RAP1GAP2: variants seen among roughly 807,000 people sequenced by gnomAD.
RAP1GAP2 encodes the protein rap1 GTPase-activating protein 2.
A neutral mutation model predicts 95.0 loss-of-function variants in RAP1GAP2; 27 were observed. The ratio of observed to expected loss-of-function variants is 0.28; its 90% CI spans 0.21 to 0.39. RAP1GAP2 has a LOEUF of 0.39. RAP1GAP2 is among the 10% of genes least tolerant of loss of function. RAP1GAP2 has a pLI of 1.00. For missense variants in RAP1GAP2, 771 were observed against 970.0 expected (o/e 0.79, Z 2.72); for synonymous variants, 373 against 380.9 (o/e 0.98, Z 0.24).
rs1426290575 is a variant in RAP1GAP2 at position 2,870,586 on chromosome 17, T to C, written c.81-34698T>C. The stretch of plus-strand genomic sequence containing the variant: ...TTTAATATTTTTTTTGTGGTCTTTT[T>C]TTTCTATGCAAAAGCACACCCTTTC... On this transcript the variant is annotated intron_variant, in intron 2 of 24. Transcript: ENST00000254695. This position sits in a 1 kb window ranked among gnomAD's most constrained non-coding sequence, Gnocchi z 4.4. 6.6e-6 allele frequency among the ~76,000 whole-genome samples: 1 copy of C among 152,218 alleles called. No homozygotes were observed. Among genetic ancestry groups the C allele is most frequent in the Non-Finnish European group, 1.5e-5 (1 of 68,038 alleles).
In RAP1GAP2 at chr17:2,966,654, G is replaced by T. The variant is rs377404699; in HGVS notation, c.596+1011G>T. 5.9e-5 allele frequency among the ~76,000 whole-genome samples: 9 copies of T among 152,264 alleles called. 1 individual carries two copies. The highest frequency in any genetic ancestry group is 2.6e-4 in the Admixed American group (4 of 15,292). Reference sequence around the variant, plus strand: ...AGTTTGTTTCTTATCAAGAAAGGAAGCAATTTTCTCTACAGAGGTTCACTT... The same window carrying T: ...AGTTTGTTTCTTATCAAGAAAGGAATCAATTTTCTCTACAGAGGTTCACTT... On this transcript the variant is annotated intron_variant, in intron 8 of 24. Transcript: ENST00000254695.
At chr17:2,765,782 T>C (rs2068264622) in intron 1 of RAP1GAP2, among the ~76,000 whole-genome samples, 1 of 147,970 alleles carries the variant, frequency 6.8e-6, no homozygotes, top group Non-Finnish European at 1.5e-5. Flanking sequence ...GCCTGGCCAA[T>C]ATGGTGAAAC....
At chr17:2,949,575 T>C (rs745791389) in intron 3 of RAP1GAP2, among the ~76,000 whole-genome samples, 23 of 151,992 alleles carry the variant, frequency 1.5e-4, no homozygotes, top group Non-Finnish European at 2.9e-4. Context: ...GAGTGCCTGC[T>C]GTGTGCCCTG....
chr17:2,854,108 C>A (rs1194821652), intron 2 of RAP1GAP2: 5 of 985,314 alleles, frequency 5.1e-6, no homozygotes, highest in Non-Finnish European at 6.0e-6. Context: ...AAAAGGTAAA[C>A]CCCTGCAGCG....
intron 3 of RAP1GAP2, among the ~76,000 whole-genome samples, chr17:2,938,008 C>T (rs922724813): frequency 2.6e-5 from 4 of 152,120 alleles, no homozygotes; most frequent in Admixed American, 6.5e-5. Context: ...AGAGAGGAGA[C>T]GGGCTTTGTG....
intron 1 of RAP1GAP2, among the ~76,000 whole-genome samples, chr17:2,785,710 G>T (rs2068755748): frequency 6.6e-6 from 1 of 151,982 alleles, no homozygotes; most frequent in South Asian, 2.1e-4. Flanking sequence ...CTTAAGACGC[G>T]AGTCTGCCGA....
intron 3 of RAP1GAP2, among the ~76,000 whole-genome samples, chr17:2,947,426 C>T (rs2043741735): frequency 6.6e-6 from 1 of 152,100 alleles, no homozygotes; most frequent in African/African-American, 2.4e-5. Flanking sequence ...CCGTCCAGCC[C>T]TGACTCTAGC....
chr17:2,931,280 TTGTGTGTGTGTG>T (rs34690298), intron 3 of RAP1GAP2, among the ~76,000 whole-genome samples: 8 of 146,738 alleles, frequency 5.5e-5, no homozygotes, highest in East Asian at 4.0e-4. Context: ...TGAGTGTTTC[TTGTGTGTGTGTG>T]TGTGTGTGTG....
At chr17:2,768,434 G>A (rs1276024915) in intron 1 of RAP1GAP2, among the ~76,000 whole-genome samples, 2 of 152,190 alleles carry the variant, frequency 1.3e-5, no homozygotes, top group Non-Finnish European at 1.5e-5. Context: ...GCTCACGCCT[G>A]CAATCCCAGA....
At chr17:2,833,689 C>CAAAAAAAAA (rs112909808) in intron 2 of RAP1GAP2, among the ~76,000 whole-genome samples, 5 of 53,690 alleles carry the variant, frequency 9.3e-5, no homozygotes, top group East Asian at 6.5e-4. Context: ...GACTCCGTCT[C>CAAAAAAAAA]AAAAAAAAAA....
chr17:2,941,095 G>C (rs542948033), intron 3 of RAP1GAP2, among the ~76,000 whole-genome samples: 49 of 152,334 alleles, frequency 3.2e-4, no homozygotes, highest in African/African-American at 1.1e-3. Context: ...GATCTCACCT[G>C]ATTGATGTTT....
At position 2,758,922 on chromosome 17, in the gene RAP1GAP2, A is replaced by G. The variant is rs533855194; in HGVS notation, c.50+3155A>G. Among the ~76,000 whole-genome samples, 761 of 151,946 alleles carry G rather than the reference A, an allele frequency of 5.0e-3. 4 individuals are homozygous for G. The highest frequency in any genetic ancestry group is 8.1e-3 in the Non-Finnish European group (550 of 67,930). On this transcript the variant is annotated intron_variant, in intron 1 of 25. Transcript: ENST00000637138. ...CTGCAGCCTCGACTTCCCAGGCCTG[A>G]GTGATCCTCCTCCATCAGCTTCCCA... is the stretch of plus-strand genomic sequence containing the variant.
At position 2,904,685 on chromosome 17, in the gene RAP1GAP2, G is replaced by C. The variant is rs2042141945; in HGVS notation, c.81-599G>C. On this transcript the variant is annotated intron_variant, in intron 2 of 24. Coordinates refer to ENST00000254695, the MANE Select transcript of RAP1GAP2 (RefSeq NM_015085.5). The surrounding 1 kb of genome is among the most constrained non-coding windows in gnomAD (Gnocchi z 4.7). Reference sequence around the variant, plus strand: ...GGTTCTCAGACTTTGCCGTGTAGCAGAATGACCTGGAGAGCTCGTTGGAGC... The same window carrying C: ...GGTTCTCAGACTTTGCCGTGTAGCACAATGACCTGGAGAGCTCGTTGGAGC... Among the ~76,000 whole-genome samples, 1 of 152,052 alleles carries C rather than the reference G, an allele frequency of 6.6e-6. No homozygotes were observed. The highest frequency in any genetic ancestry group is 1.5e-5 in the Non-Finnish European group (1 of 68,024).
intron 2 of RAP1GAP2, among the ~76,000 whole-genome samples, chr17:2,822,707 ATTTT>A (rs896356620): frequency 7.1e-6 from 1 of 141,126 alleles, no homozygotes; most frequent in African/African-American, 2.6e-5. Flanking sequence ...CTTTGGGGAA[ATTTT>A]TTTTTTAATT....
At chr17:2,908,392 A>G (rs1163565732) in intron 3 of RAP1GAP2, among the ~76,000 whole-genome samples, 1 of 152,146 alleles carries the variant, frequency 6.6e-6, no homozygotes, top group South Asian at 2.1e-4. Flanking sequence ...TACCCAGAGG[A>G]TTAAGATGAG....
chr17:2,861,032 G>C (rs1004454128), intron 2 of RAP1GAP2, among the ~76,000 whole-genome samples: 1 of 152,038 alleles, frequency 6.6e-6, no homozygotes, highest in Non-Finnish European at 1.5e-5. Context: ...ATTCTGTTGC[G>C]GAGGCCTCCT....
At chr17:2,852,019 C>T (rs528341856) in intron 2 of RAP1GAP2, among the ~76,000 whole-genome samples, 30 of 152,324 alleles carry the variant, frequency 2.0e-4, no homozygotes, top group Non-Finnish European at 5.9e-5. Context: ...GCCCTCATCA[C>T]CTTCCCTGCC....
intron 2 of RAP1GAP2, among the ~76,000 whole-genome samples, chr17:2,821,639 G>T (rs2070309184): frequency 6.6e-6 from 1 of 151,986 alleles, no homozygotes; most frequent in Admixed American, 6.6e-5. Context: ...CTCCCAAAGT[G>T]CTGGGATTAC....
intron 1 of RAP1GAP2, among the ~76,000 whole-genome samples, chr17:2,781,309 C>T (rs368118517): frequency 1.6e-4 from 25 of 152,158 alleles, no homozygotes; most frequent in Admixed American, 1.2e-3. Flanking sequence ...AGGGCCCTGC[C>T]GATTAGATGG....
Sources: allele counts gnomAD v4.1 joint callset (sites outside exome capture counted in the v4.1 genomes callset), GRCh38; gene constraint gnomAD v4.1.1; non-coding constraint Gnocchi (gnomAD v3.1); transcripts MANE v1.5; gene names NCBI Gene and HGNC (gene_info 2026-07-23, HGNC 2026-07-21).